LRP1B: variants seen among roughly 807,000 people sequenced by gnomAD.
LRP1B encodes LDL receptor related protein 1B.
LRP1B carries 217 observed loss-of-function variants against 556.6 expected under a neutral mutation model. The ratio of observed to expected loss-of-function variants is 0.39; its 90% CI spans 0.35 to 0.44. The LOEUF (loss-of-function observed/expected upper bound fraction) is 0.44. Ranked by LOEUF, LRP1B falls within the 20% of genes least tolerant of loss-of-function variation. The pLI, the probability that LRP1B is intolerant of heterozygous loss-of-function variation, is 1.00. For synonymous variants in LRP1B, 2,047 were observed against 1,865.8 expected, an observed-to-expected ratio of 1.10 and a Z score of -2.50; for missense variants, 5,053 against 5,620.8, an observed-to-expected ratio of 0.90 and a Z score of 3.23.
chr2:140,652,216 T>C (rs904433902), intron 41 of LRP1B, among the ~76,000 whole-genome samples: 1 of 151,984 alleles, frequency 6.6e-6, no homozygotes, highest in Non-Finnish European at 1.5e-5. Flanking sequence ...AAAAAAACAG[T>C]TGTCATTTTC....
chr2:141,903,965 G>A (rs1418027141), intron 1 of LRP1B, among the ~76,000 whole-genome samples: 3 of 151,862 alleles, frequency 2.0e-5, no homozygotes, highest in African/African-American at 2.4e-5. Flanking sequence ...ATGAGAAGAA[G>A]CAAGATCAAT....
At chr2:140,346,487 G>T (rs901923938) in intron 77 of LRP1B, among the ~76,000 whole-genome samples, 2 of 151,828 alleles carry the variant, frequency 1.3e-5, no homozygotes, top group Non-Finnish European at 2.9e-5. Flanking sequence ...ACCACAAATG[G>T]TAATGATGTA....
At chr2:141,181,197 A>G (rs948914755) in intron 7 of LRP1B, among the ~76,000 whole-genome samples, 3 of 151,938 alleles carry the variant, frequency 2.0e-5, no homozygotes, top group Non-Finnish European at 4.4e-5. Context: ...TTTCAACTGA[A>G]TATCATGTTT....
intron 46 of LRP1B, among the ~76,000 whole-genome samples, chr2:140,534,803 T>C (rs1324630851): frequency 6.6e-6 from 1 of 152,154 alleles, no homozygotes; most frequent in Admixed American, 6.6e-5. Context: ...TGAGTATATG[T>C]AGATAAACAC....
chr2:140,923,295 G>A, intron 20 of LRP1B, 148 bp from the exon 21 acceptor site: 1 of 579,374 alleles, frequency 1.7e-6, no homozygotes, highest in Non-Finnish European at 3.0e-6. Flanking sequence ...TACTTTAGAT[G>A]GTTAATAAGT....
At chr2:141,073,173 TA>T (rs1430629516) in intron 7 of LRP1B, among the ~76,000 whole-genome samples, 2 of 152,136 alleles carry the variant, frequency 1.3e-5, no homozygotes, top group African/African-American at 4.8e-5. Flanking sequence ...TCATACACTT[TA>T]TTCTTCCCCT....
intron 6 of LRP1B, among the ~76,000 whole-genome samples, chr2:141,212,451 T>G (rs1682604620): frequency 6.6e-6 from 1 of 151,130 alleles, no homozygotes; most frequent in Non-Finnish European, 1.5e-5. Context: ...GATAATTTTT[T>G]TTTTTTTGTA....
At chr2:141,472,692 T>C (rs35133006) in intron 3 of LRP1B, among the ~76,000 whole-genome samples, 66,850 of 151,966 alleles carry the variant, frequency 0.44, 15,022 homozygotes, top group Non-Finnish European at 0.49. Flanking sequence ...GAAACCACTA[T>C]TGTCTAAGAA....
intron 2 of LRP1B, among the ~76,000 whole-genome samples, chr2:141,742,778 T>A (rs1693758564): frequency 6.6e-6 from 1 of 152,194 alleles, no homozygotes; most frequent in Non-Finnish European, 1.5e-5. Flanking sequence ...TTTGGTGTCC[T>A]CTTCAGTTTC....
At chr2:141,749,086 T>C (rs1694013763) in intron 2 of LRP1B, among the ~76,000 whole-genome samples, 1 of 152,202 alleles carries the variant, frequency 6.6e-6, no homozygotes, top group Admixed American at 6.5e-5. Flanking sequence ...TAACTAATTT[T>C]ATTTTACATG....
intron 2 of LRP1B, among the ~76,000 whole-genome samples, chr2:141,532,842 C>G (rs1197683571): frequency 6.6e-6 from 1 of 151,920 alleles, no homozygotes; most frequent in Admixed American, 6.6e-5. Flanking sequence ...AAAAATTAGC[C>G]GGGTATGGTG....
intron 7 of LRP1B, among the ~76,000 whole-genome samples, chr2:141,120,809 G>C (rs370860013): frequency 2.0e-5 from 3 of 151,988 alleles, no homozygotes; most frequent in East Asian, 3.9e-4. Context: ...GTTATTGTGA[G>C]ACTCCTGATA....
At chr2:140,260,503 TTA>T (rs1304832801) in intron 86 of LRP1B, among the ~76,000 whole-genome samples, 1 of 151,856 alleles carries the variant, frequency 6.6e-6, no homozygotes, top group African/African-American at 2.4e-5. Flanking sequence ...ACATTTGTCA[TTA>T]TATATGTGTA....
At chr2:140,385,040 A>G (rs7594736) in intron 67 of LRP1B, among the ~76,000 whole-genome samples, 35,005 of 151,986 alleles carry the variant, frequency 0.23, 4,970 homozygotes, top group African/African-American at 0.41. Flanking sequence ...GTGGGCCCAA[A>G]AGTTAGAGAT....
At chr2:141,736,305 A>G (rs952137813) in intron 2 of LRP1B, among the ~76,000 whole-genome samples, 1 of 152,178 alleles carries the variant, frequency 6.6e-6, no homozygotes, top group Non-Finnish European at 1.5e-5. Context: ...CCAACAAGAC[A>G]TGTTGAAGTC....
intron 2 of LRP1B, among the ~76,000 whole-genome samples, chr2:141,500,617 A>G (rs575898131): frequency 3.2e-4 from 48 of 152,314 alleles, no homozygotes; most frequent in South Asian, 3.1e-3. Flanking sequence ...AAGATAAACT[A>G]TAGAAGGAAT....
At chr2:140,909,107 A>G (rs1306281398) in intron 21 of LRP1B, among the ~76,000 whole-genome samples, 2 of 152,156 alleles carry the variant, frequency 1.3e-5, no homozygotes, top group African/African-American at 4.8e-5. Context: ...ATTGTCGTCT[A>G]TGTAAATGTT....
chr2:141,201,800 T>C (rs2105227299), intron 6 of LRP1B, among the ~76,000 whole-genome samples: 1 of 152,288 alleles, frequency 6.6e-6, no homozygotes, highest in South Asian at 2.1e-4. Flanking sequence ...CTGAATACTT[T>C]TAGTGGACTG....
chr2:140,991,869 G>T (rs1207530309), intron 16 of LRP1B, among the ~76,000 whole-genome samples: 1 of 151,972 alleles, frequency 6.6e-6, no homozygotes, highest in South Asian at 2.1e-4. Context: ...AAATAAAAAG[G>T]GTAAATGGAT....
Sources: allele counts gnomAD v4.1 joint callset (sites outside exome capture counted in the v4.1 genomes callset), GRCh38; gene constraint gnomAD v4.1.1; transcripts MANE v1.5; gene names NCBI Gene and HGNC (gene_info 2026-07-23, HGNC 2026-07-21).